The following CKAP5 variants were observed in gnomAD, a reference collection of about 807,000 sequenced individuals.
The protein encoded by CKAP5 is cytoskeleton associated protein 5, also known as cytoskeleton-associated protein 5.
Under a neutral mutation model 232.8 loss-of-function variants are expected in CKAP5, and 27 were observed. That is an observed-to-expected ratio of 0.12 (90% CI 0.09 to 0.16). CKAP5 has a LOEUF of 0.16. Ranked by LOEUF, CKAP5 falls within the 10% of genes least tolerant of loss-of-function variation. The pLI is 1.00. For synonymous variants in CKAP5, 785 were observed against 841.1 expected (o/e 0.93, Z 1.16); for missense variants, 1,838 against 2,424.7 (o/e 0.76, Z 5.08).
chr11:46,833,857 T>A (rs573553152), intron 1 of CKAP5, among the ~76,000 whole-genome samples: 2 of 151,966 alleles, frequency 1.3e-5, no homozygotes, highest in East Asian at 3.9e-4. Context: ...ATATTATTAT[T>A]ATATTATTAT....
intron 8 of CKAP5, among the ~76,000 whole-genome samples, chr11:46,805,508 A>G (rs907711583): frequency 6.6e-6 from 1 of 152,188 alleles, no homozygotes; most frequent in African/African-American, 2.4e-5. Context: ...CTATTCTTCA[A>G]TCTCATCCTC....
At chr11:46,809,581 G>T in intron 6 of CKAP5, 81 bp from the exon 7 acceptor site, 1 of 1,348,078 alleles carries the variant, frequency 7.4e-7, no homozygotes, top group Non-Finnish European at 1.0e-6. Context: ...TCACAACCCT[G>T]ATGAAATTTT....
Position 46,780,207 on chromosome 11 carries a change from G to C in CKAP5, c.2420C>G (p.Ala807Gly). The stretch of plus-strand genomic sequence containing the variant: ...TGGAAATTCTACCTTCTCAAATTCT[G>C]CATCTATCTGGGATAGGAGGGCAGG... ...EKPALLSQID[A>G]EFEKMQGQSP... The change falls in exon 20 of 44, where the codon GCA becomes GGA. Residue 807 changes from alanine (A) to glycine (G), a missense_variant. Physicochemically the swap from Ala to Gly is moderately conservative, Grantham distance 60. Transcript: ENST00000529230. 1.2e-6 allele frequency: 2 copies of C among 1,614,014 alleles called. No individual in the cohort carries two copies. Among genetic ancestry groups the C allele is most frequent in the Non-Finnish European group, 1.7e-6 (2 of 1,179,952 alleles).
intron 15 of CKAP5, among the ~76,000 whole-genome samples, chr11:46,789,062 C>A (rs1327193264): frequency 1.3e-5 from 2 of 152,206 alleles, no homozygotes; most frequent in Non-Finnish European, 2.9e-5. Context: ...TTGCTCCATG[C>A]AAAATAATAG....
intron 37 of CKAP5, 39 bp from the exon 38 acceptor site, chr11:46,752,749 A>T (rs374323155): frequency 2.0e-6 from 3 of 1,500,434 alleles, no homozygotes; most frequent in Non-Finnish European, 2.8e-6. Flanking sequence ...TAAGTTTCAA[A>T]CCTGCATTCC....
Position 46,818,296 on chromosome 11 carries a change from AAG to A in CKAP5, c.251+12_251+13del. The A allele has an allele frequency of 6.4e-7, 1 of 1,564,518 alleles. No homozygotes were observed. Among genetic ancestry groups the A allele is most frequent in the Non-Finnish European group, 8.6e-7 (1 of 1,159,166 alleles). ...AGGGGTTTTTATCAGTAAAGTTGGA[AAG>A]AAAGTACTTACTTTCCTGCTACATG... On this transcript the variant is annotated intron_variant, in intron 3 of 43. Transcript: ENST00000529230.
chr11:46,743,877 G>C lies in CKAP5; in HGVS notation c.*146C>G, dbSNP rs2065002907. ...AGAAGCAGAGTATGTACAAATACTT[G>C]TGCCACAATGACTCCTCCCCCTAGC... On this transcript the variant is annotated 3_prime_UTR_variant, in exon 44 of 44. Transcript: ENST00000529230. The C allele has an allele frequency of 2.1e-6, 2 of 947,070 alleles. No individual in the cohort carries two copies. Among genetic ancestry groups the C allele is most frequent in the African/African-American group, 3.3e-5 (2 of 61,172 alleles). 58.7% of individuals were successfully genotyped at this position (947,070 alleles called of 1,614,324 possible).
intron 4 of CKAP5, among the ~76,000 whole-genome samples, chr11:46,815,429 A>G (rs1262071622): frequency 6.6e-6 from 1 of 152,112 alleles, no homozygotes; most frequent in Non-Finnish European, 1.5e-5. Context: ...AGCTCAGTGC[A>G]GCCTAGAACT....
chr11:46,794,763 G>T (rs1306590976), intron 13 of CKAP5, among the ~76,000 whole-genome samples: 1 of 152,192 alleles, frequency 6.6e-6, no homozygotes, highest in East Asian at 1.9e-4. Context: ...TTGAGCCTGG[G>T]AGTTCCAGGT....
At position 46,765,116 on chromosome 11, in the gene CKAP5, T is replaced by G. The variant is rs774686836; in HGVS notation, c.3537+15A>C. ...ACAAGCAAAAATCTCCTGACGATTCTTAATCCTTCCTTACCTTCAATCCTT... is the reference window on the plus strand; with the variant it reads ...ACAAGCAAAAATCTCCTGACGATTCGTAATCCTTCCTTACCTTCAATCCTT... On this transcript the variant is annotated intron_variant, in intron 28 of 43. Coordinates refer to ENST00000529230, the MANE Select transcript of CKAP5 (RefSeq NM_001008938.4). 1 of 1,606,502 alleles carries G rather than the reference T, an allele frequency of 6.2e-7. No individual in the cohort carries two copies. The highest frequency in any genetic ancestry group is 8.5e-7 in the Non-Finnish European group (1 of 1,177,078).
In CKAP5 at chr11:46,788,825, AG is replaced by A. The variant is rs759055277; in HGVS notation, c.1876-53del. The stretch of plus-strand genomic sequence containing the variant: ...TTTAAGGGTTAAAGGTTACTTCCAA[AG>A]GAAGAGTAAATACCAAAGTCAAGTA... On this transcript the variant is annotated intron_variant, in intron 15 of 43. Coordinates refer to ENST00000529230, the MANE Select transcript of CKAP5 (RefSeq NM_001008938.4). 161 of 1,309,196 alleles carry A rather than the reference AG, an allele frequency of 1.2e-4. 1 individual carries two copies. The highest frequency in any genetic ancestry group is 1.7e-4 in the Non-Finnish European group (155 of 923,182). 81.1% of individuals were successfully genotyped at this position (1,309,196 alleles called of 1,614,324 possible). A position where few individuals can be genotyped will look rare whatever the true frequency, so the allele number is the denominator to read the frequency against.
At chr11:46,826,792 T>G (rs1939664015) in intron 1 of CKAP5, 1 of 153,954 alleles carries the variant, frequency 6.5e-6, no homozygotes, top group African/African-American at 2.4e-5. Flanking sequence ...TCAGGGAAGC[T>G]AAGGTCCGAG....
At chr11:46,762,820 C>G in intron 30 of CKAP5, 58 bp from the exon 31 acceptor site, 1 of 1,552,034 alleles carries the variant, frequency 6.4e-7, no homozygotes, top group Non-Finnish European at 8.9e-7. Context: ...CAATGATTCT[C>G]CCATGCATTA....
intron 9 of CKAP5, among the ~76,000 whole-genome samples, chr11:46,799,572 T>TTAAG (rs2134653996): frequency 6.6e-6 from 1 of 152,284 alleles, no homozygotes; most frequent in Non-Finnish European, 1.5e-5. Flanking sequence ...TATTACAGTA[T>TTAAG]TAAGGTGGGG....
intron 5 of CKAP5, 142 bp downstream of exon 5, chr11:46,810,865 A>T: frequency 1.4e-6 from 1 of 699,426 alleles, no homozygotes; most frequent in South Asian, 2.5e-5. Context: ...TTGCTGAGAA[A>T]GTTAGCTATG....
At chr11:46,781,542 T>C (rs1281547810) in intron 18 of CKAP5, among the ~76,000 whole-genome samples, 1 of 152,188 alleles carries the variant, frequency 6.6e-6, no homozygotes, top group African/African-American at 2.4e-5. Flanking sequence ...CACTCACTCA[T>C]TGTCCTACAG....
At chr11:46,771,054 T>G (rs1291558698) in intron 24 of CKAP5, 72 bp from the exon 25 acceptor site, 1 of 1,327,482 alleles carries the variant, frequency 7.5e-7, no homozygotes, top group Non-Finnish European at 1.0e-6. Flanking sequence ...TCAGGCTTAC[T>G]GATTTCATTA....
At chr11:46,790,246 C>A (rs926589430) in intron 14 of CKAP5, 60 bp from the exon 15 acceptor site, 2 of 1,166,328 alleles carry the variant, frequency 1.7e-6, no homozygotes, top group Admixed American at 2.0e-5. Flanking sequence ...ATGACAAGAA[C>A]GTAAACATAC....
chr11:46,797,016 G>T, intron 11 of CKAP5, 76 bp from the exon 12 acceptor site: 1 of 1,505,710 alleles, frequency 6.6e-7, no homozygotes, highest in Non-Finnish European at 9.1e-7. Flanking sequence ...CAGACTGATG[G>T]TTGCTAGATA....
Sources: gnomAD v4.1 joint callset for allele counts (sites outside exome capture counted in the v4.1 genomes callset) on GRCh38, gnomAD v4.1.1 for gene constraint, MANE v1.5 for transcripts, NCBI Gene and HGNC (gene_info 2026-07-23, HGNC 2026-07-21) for gene names.